Variants in TBC1D30 observed in about 807,000 individuals in gnomAD.
TBC1D30 encodes TBC1 domain family, member 30.
A neutral mutation model predicts 63.2 loss-of-function variants in TBC1D30; 31 were observed. The ratio of observed to expected loss-of-function variants is 0.49; its 90% CI spans 0.37 to 0.66. The LOEUF (loss-of-function observed/expected upper bound fraction) is 0.66. Among genes scored for constraint, TBC1D30 ranks in the 30% least tolerant of loss-of-function variants. The pLI, the probability that TBC1D30 is intolerant of heterozygous loss-of-function variation, is 0.00. For synonymous variants in TBC1D30, 307 were observed against 361.5 expected (o/e 0.85, Z 1.71); for missense variants, 810 against 953.6 (o/e 0.85, Z 1.98).
chr12:64,860,892 CT>C (rs1877733385), intron 8 of TBC1D30, among the ~76,000 whole-genome samples: 1 of 152,334 alleles, frequency 6.6e-6, no homozygotes, highest in African/African-American at 2.4e-5. Flanking sequence ...CTGCTTCCAC[CT>C]ATTCAAAAGA....
At chr12:64,856,428 A>T (rs939554459) in intron 8 of TBC1D30, among the ~76,000 whole-genome samples, 1 of 152,238 alleles carries the variant, frequency 6.6e-6, no homozygotes, top group African/African-American at 2.4e-5. Context: ...TGGTTTTTGC[A>T]GACTTGTAGA....
chr12:64,846,048 C>T lies in TBC1D30; in HGVS notation c.1038+2563C>T, dbSNP rs995322982. Among the ~76,000 whole-genome samples the T allele has an allele frequency of 4.0e-5, 6 of 151,674 alleles. No homozygotes were observed. In the South Asian group the frequency reaches 1.0e-3, roughly 26 times the overall value. On this transcript the variant is annotated intron_variant, in intron 8 of 11. Transcript: ENST00000539867. ...TTCAGATCTTTTGCCCATTTTTAAT[C>T]GAATTATAAGATTATAAGAGTTATT...
In TBC1D30 at chr12:64,875,629, T is replaced by A. The variant is rs1389124484; in HGVS notation, c.2127T>A (p.Phe709Leu). 3.3e-6 allele frequency: 5 copies of A among 1,536,126 alleles called. No homozygotes were observed. The part of the protein sequence containing the change: ...PQGSNSKTPI[F>L]SPFPSVKPLR... ...GCAGCAACTCAAAAACCCCCATCTT[T>A]AGCCCTTTTCCCAGCGTCAAGCCCC... is the stretch of plus-strand genomic sequence containing the variant. Residue 709 changes from phenylalanine to leucine, a missense_variant, in exon 12 of 12, where the codon TTT becomes TTA. Phe to Leu is a conservative substitution (Grantham distance 22). Transcript: ENST00000539867.
intron 8 of TBC1D30, among the ~76,000 whole-genome samples, chr12:64,858,865 G>T (rs1320621930): frequency 6.6e-6 from 1 of 152,178 alleles, no homozygotes; most frequent in South Asian, 2.1e-4. Flanking sequence ...GTCGAGGGAG[G>T]TGTGCAGAGG....
chr12:64,867,127 C>A (rs543824099), intron 10 of TBC1D30, among the ~76,000 whole-genome samples: 2 of 152,150 alleles, frequency 1.3e-5, no homozygotes, highest in South Asian at 4.2e-4. Context: ...GCCTGAGCAA[C>A]ATAGGGAGAC....
intron 9 of TBC1D30, among the ~76,000 whole-genome samples, chr12:64,865,441 G>A (rs1878130334): frequency 6.6e-6 from 1 of 151,940 alleles, no homozygotes; most frequent in Admixed American, 6.6e-5. Flanking sequence ...TGACCCAAAT[G>A]GAACAAAACC....
chr12:64,872,927 T>A (rs537197710), intron 11 of TBC1D30, among the ~76,000 whole-genome samples: 5 of 152,268 alleles, frequency 3.3e-5, no homozygotes, highest in African/African-American at 1.2e-4. Context: ...CCTACCCCCA[T>A]GATTCAATTA....
At position 64,878,861 on chromosome 12, in the gene TBC1D30, G is replaced by A. The variant is rs1879271069; in HGVS notation, c.*3073G>A. On this transcript the variant is annotated 3_prime_UTR_variant, in exon 12 of 12. Coordinates refer to ENST00000539867, the MANE Select transcript of TBC1D30 (RefSeq NM_015279.2). ...GTTCCTGAATATGAGTAAGCACAGA[G>A]TTTACCTAGAGAGTTTACCTAAAAT... The A allele has an allele frequency of 5.0e-6, 1 of 199,262 alleles. No homozygotes were observed. The allele number at this position is 199,262 out of a possible 1,614,324, so 12.3% of individuals were successfully genotyped here. A position where few individuals can be genotyped will look rare whatever the true frequency, so the allele number is the denominator to read the frequency against.
chr12:64,825,065 G>A (rs1874191035), intron 1 of TBC1D30, 32 bp downstream of exon 1: 1 of 1,515,454 alleles, frequency 6.6e-7, no homozygotes, highest in Non-Finnish European at 8.8e-7. Flanking sequence ...ATGGGGCGCT[G>A]TAAAGTAGCG....
At chr12:64,785,233 C>T (rs955376355) in intron 1 of TBC1D30, among the ~76,000 whole-genome samples, 1 of 151,416 alleles carries the variant, frequency 6.6e-6, no homozygotes, top group Non-Finnish European at 1.5e-5. Flanking sequence ...CTCACTGCAG[C>T]CTCCTCCTCT....
rs1240889918 is a variant in TBC1D30, at chr12:64,876,674, C to G, written c.*886C>G. 4.8e-6 allele frequency: 2 copies of G among 412,884 alleles called. No homozygotes were observed. Among genetic ancestry groups the G allele is most frequent in the Non-Finnish European group, 9.8e-6 (2 of 203,520 alleles). 25.6% of individuals were successfully genotyped at this position (412,884 alleles called of 1,614,324 possible). On this transcript the variant is annotated 3_prime_UTR_variant, in exon 12 of 12. Transcript: ENST00000539867. ...GCTCTAGACTGCAGACGCACAAGGC[C>G]TCTGCTCAGAAGCCAGAACACAGCA...
At position 64,875,211 on chromosome 12, in the gene TBC1D30, G is replaced by T; in HGVS notation, c.1709G>T (p.Arg570Leu). Reference protein sequence around the residue: ...KLNSPWRTHIRVHKKNMPRTK... With the variant: ...KLNSPWRTHILVHKKNMPRTK... ...AACTCCCCGTGGCGAACTCACATCC[G>T]AGTCCACAAAAAGAACATGCCAAGG... Residue 570 changes from arginine to leucine, a missense_variant, in exon 12 of 12, where the codon CGA becomes CTA. Physicochemically the swap from Arg to Leu is moderately radical, Grantham distance 102. Transcript: ENST00000539867. 6.5e-7 allele frequency: 1 copy of T among 1,536,318 alleles called. No homozygotes were observed. The highest frequency in any genetic ancestry group is 8.7e-7 in the Non-Finnish European group (1 of 1,146,912).
At chr12:64,822,033 C>A (rs1240679022), upstream of TBC1D30, among the ~76,000 whole-genome samples, 1 of 152,154 alleles carries the variant, frequency 6.6e-6, no homozygotes, top group African/African-American at 2.4e-5. Flanking sequence ...TTAATAGATT[C>A]TTTTACAGCT....
intron 8 of TBC1D30, among the ~76,000 whole-genome samples, chr12:64,845,897 T>A (rs1009743552): frequency 6.6e-6 from 1 of 152,178 alleles, no homozygotes; most frequent in Non-Finnish European, 1.5e-5. Context: ...TGACATCAAG[T>A]GATCCTCCCG....
At chr12:64,859,221 A>G (rs965289086) in intron 8 of TBC1D30, among the ~76,000 whole-genome samples, 2 of 152,106 alleles carry the variant, frequency 1.3e-5, no homozygotes, top group Non-Finnish European at 2.9e-5. Context: ...TGTTGATAAT[A>G]TACTGCATAA....
intron 2 of TBC1D30, among the ~76,000 whole-genome samples, chr12:64,805,397 G>C (rs932899486): frequency 2.0e-5 from 3 of 152,192 alleles, no homozygotes; most frequent in African/African-American, 7.2e-5. Context: ...TTTAGAGGAA[G>C]AGCTAAATTT....
At chr12:64,863,230 A>G (rs1217932409) in intron 8 of TBC1D30, among the ~76,000 whole-genome samples, 1 of 152,240 alleles carries the variant, frequency 6.6e-6, no homozygotes, top group Non-Finnish European at 1.5e-5. Flanking sequence ...ACACCCTCAT[A>G]TAACTTCTCC....
At chr12:64,764,572 G>A (rs759741907) in intron 1 of TBC1D30, among the ~76,000 whole-genome samples, 11 of 152,204 alleles carry the variant, frequency 7.2e-5, no homozygotes, top group Non-Finnish European at 1.2e-4. Flanking sequence ...TGATCCACAT[G>A]TAAAGAGAAA....
intron 1 of TBC1D30, 89 bp downstream of exon 1, chr12:64,825,122 G>T: frequency 7.0e-7 from 1 of 1,429,918 alleles, no homozygotes; most frequent in Non-Finnish European, 9.2e-7. Flanking sequence ...GTCTAGGCCG[G>T]GGAGCTCTGG....
Sources: gnomAD v4.1 joint callset for allele counts (sites outside exome capture counted in the v4.1 genomes callset) on GRCh38, gnomAD v4.1.1 for gene constraint, MANE v1.5 for transcripts, NCBI Gene and HGNC (gene_info 2026-07-23, HGNC 2026-07-21) for gene names.